PHIP: variants seen among roughly 807,000 people sequenced by gnomAD.
PHIP encodes the protein PHIP subunit of CUL4-Ring ligase complex.
In PHIP, 54 loss-of-function variants were observed where a neutral mutation model predicts 236.8. The observed-to-expected ratio is 0.23, with a 90% CI of 0.18 to 0.29. The LOEUF is 0.29. Among genes scored for constraint, PHIP ranks in the 10% least tolerant of loss-of-function variants. The probability of loss-of-function intolerance (pLI) is 1.00; values close to 1 mark genes in which losing one functional copy is unlikely to be tolerated. For missense variants in PHIP, 1,370 were observed against 2,190.8 expected (o/e 0.63, Z 7.48); for synonymous variants, 756 against 718.9 (o/e 1.05, Z -0.83).
At chr6:79,042,648 T>C (rs1323276731) in intron 7 of PHIP, among the ~76,000 whole-genome samples, 195 bp downstream of exon 7, 1 of 152,022 alleles carries the variant, frequency 6.6e-6, no homozygotes, top group Non-Finnish European at 1.5e-5. Flanking sequence ...TGCTGCAACA[T>C]GTCATTTAGA....
intron 9 of PHIP, among the ~76,000 whole-genome samples, chr6:79,021,034 C>T (rs1376550505): frequency 6.6e-6 from 1 of 152,166 alleles, no homozygotes; most frequent in African/African-American, 2.4e-5. Flanking sequence ...GCTTTGGAAC[C>T]TGATGGACCA....
intron 9 of PHIP, among the ~76,000 whole-genome samples, chr6:79,020,400 TAG>T (rs1771059297): frequency 6.6e-6 from 1 of 152,214 alleles, no homozygotes; most frequent in Non-Finnish European, 1.5e-5. Context: ...AAATCTCATT[TAG>T]AGAGACAGAT....
chr6:78,958,283 G>T, intron 32 of PHIP, 192 bp downstream of exon 32: 1 of 421,776 alleles, frequency 2.4e-6, no homozygotes, highest in African/African-American at 2.0e-5. Context: ...ATTAGCCAAT[G>T]AACTGTTTCT....
Position 78,947,755 on chromosome 6 carries a change from G to A in PHIP, c.4074C>T (p.Asp1358=), listed in dbSNP as rs1195436459. Residue 1358 remains aspartate (D), a synonymous_variant, in exon 36 of 40, where the codon GAC becomes GAT. Coordinates refer to ENST00000275034, the MANE Select transcript of PHIP (RefSeq NM_017934.7). Reference sequence around the variant, plus strand: ...TAACGGTAGCAAAATCCATTGGAGTGTCAATGATGTCTCTGTAGTCCTAGG... The same window carrying A: ...TAACGGTAGCAAAATCCATTGGAGTATCAATGATGTCTCTGTAGTCCTAGG... ...LEYPDYRDII[D]TPMDFATVRE... is the part of the protein sequence containing the mutation. The A allele has an allele frequency of 3.1e-6, 5 of 1,608,430 alleles. No homozygotes were observed. Among genetic ancestry groups the A allele is most frequent in the Non-Finnish European group, 4.3e-6 (5 of 1,175,194 alleles).
chr6:79,048,754 C>G (rs557911066), intron 6 of PHIP, among the ~76,000 whole-genome samples: 1 of 152,290 alleles, frequency 6.6e-6, no homozygotes, highest in Non-Finnish European at 1.5e-5. Flanking sequence ...GCTGTTCCCT[C>G]TTAATCAGAA....
intron 19 of PHIP, among the ~76,000 whole-genome samples, chr6:78,993,567 G>T (rs2127725758): frequency 6.6e-6 from 1 of 152,304 alleles, no homozygotes; most frequent in East Asian, 1.9e-4. Context: ...TAAGAATTAT[G>T]ATAAATATAC....
chr6:78,986,547 C>A (rs1362606655), intron 21 of PHIP, among the ~76,000 whole-genome samples: 1 of 152,150 alleles, frequency 6.6e-6, no homozygotes, highest in East Asian at 1.9e-4. Context: ...TTGCCCAAGG[C>A]GGCACAACTA....
In PHIP at chr6:78,985,815, G is replaced by A. The variant is rs1266270631; in HGVS notation, c.2461-387C>T. On this transcript the variant is annotated intron_variant, in intron 21 of 39. Transcript: ENST00000275034. Reference sequence around the variant, plus strand: ...TGAGATCGCACCACTACACTCCAGAGACTGTCTCAAAAATAATAATAATAA... The same window carrying A: ...TGAGATCGCACCACTACACTCCAGAAACTGTCTCAAAAATAATAATAATAA... Among the ~76,000 whole-genome samples the A allele has an allele frequency of 3.9e-5, 6 of 152,064 alleles. 1 individual carries two copies. Among genetic ancestry groups the A allele is most frequent in the Admixed American group, 2.0e-4 (3 of 15,266 alleles).
intron 6 of PHIP, among the ~76,000 whole-genome samples, chr6:79,044,840 A>G (rs1041228950): frequency 6.6e-6 from 1 of 152,166 alleles, no homozygotes; most frequent in East Asian, 1.9e-4. Flanking sequence ...ATGATAAAGT[A>G]TTTTATAAGC....
chr6:79,017,458 T>C (rs1405791717), intron 11 of PHIP, 25 bp downstream of exon 11: 1 of 1,584,280 alleles, frequency 6.3e-7, no homozygotes, highest in Non-Finnish European at 8.7e-7. Flanking sequence ...ATTATACTCA[T>C]CTAATTCTTT....
chr6:79,065,763 A>ACCAC (rs1326241912), intron 4 of PHIP, among the ~76,000 whole-genome samples: 13 of 110,982 alleles, frequency 1.2e-4, no homozygotes, highest in Non-Finnish European at 2.1e-4. Flanking sequence ...TCTTAACTAT[A>ACCAC]CCACACACAC....
At chr6:79,012,878 G>T (rs1770661150) in intron 15 of PHIP, among the ~76,000 whole-genome samples, 1 of 151,158 alleles carries the variant, frequency 6.6e-6, no homozygotes, top group African/African-American at 2.4e-5. Flanking sequence ...AGACAGACAG[G>T]AAAAAAAATC....
intron 34 of PHIP, 28 bp from the exon 35 acceptor site, chr6:78,954,991 A>T (rs1021367645): frequency 7.5e-6 from 11 of 1,472,010 alleles, no homozygotes; most frequent in Middle Eastern, 3.6e-4. Context: ...AAATATATTA[A>T]TAAAAGAGCA....
intron 24 of PHIP, among the ~76,000 whole-genome samples, chr6:78,975,519 G>T (rs1293128762): frequency 1.3e-5 from 2 of 152,140 alleles, no homozygotes; most frequent in Middle Eastern, 3.2e-3. Flanking sequence ...GGAAGTTCTG[G>T]CCAGGGCAAT....
At chr6:79,046,842 C>A (rs1210977946) in intron 6 of PHIP, among the ~76,000 whole-genome samples, 1 of 150,676 alleles carries the variant, frequency 6.6e-6, no homozygotes, top group Non-Finnish European at 1.5e-5. Context: ...TGCCACTGCA[C>A]TCCAGCCTGG....
chr6:79,069,587 C>A (rs886358464), intron 4 of PHIP, among the ~76,000 whole-genome samples: 2 of 152,022 alleles, frequency 1.3e-5, no homozygotes, highest in African/African-American at 4.8e-5. Flanking sequence ...TCTCCTGATT[C>A]CAAGTTTACT....
chr6:79,070,100 T>C (rs1368303344), intron 4 of PHIP, among the ~76,000 whole-genome samples: 1 of 152,074 alleles, frequency 6.6e-6, no homozygotes, highest in Non-Finnish European at 1.5e-5. Context: ...TAAACCAAAG[T>C]AGGGATGCTC....
chr6:78,944,066 C>T (rs1010738068), intron 39 of PHIP, among the ~76,000 whole-genome samples: 3 of 144,440 alleles, frequency 2.1e-5, no homozygotes, highest in Non-Finnish European at 4.5e-5. Context: ...CTAAAGAAGA[C>T]GATATTTTAA....
chr6:78,983,774 C>A (rs1768691516), intron 22 of PHIP, among the ~76,000 whole-genome samples: 1 of 151,708 alleles, frequency 6.6e-6, no homozygotes, highest in African/African-American at 2.4e-5. Context: ...TCAAAGCATG[C>A]CATGATTCAG....
Sources: allele counts gnomAD v4.1 joint callset (sites outside exome capture counted in the v4.1 genomes callset), GRCh38; gene constraint gnomAD v4.1.1; transcripts MANE v1.5; gene names NCBI Gene and HGNC (gene_info 2026-07-23, HGNC 2026-07-21).